The following PRSS3 variants were observed in gnomAD, a reference collection of about 807,000 sequenced individuals.
PRSS3 encodes serine protease 3.
PRSS3 carries 14 observed loss-of-function variants against 20.8 expected under a neutral mutation model. The ratio of observed to expected loss-of-function variants is 0.67; its 90% CI spans 0.44 to 1.05. The LOEUF (loss-of-function observed/expected upper bound fraction) is 1.05, where lower values mean the gene tolerates loss of function less well. Ranked by LOEUF, PRSS3 falls within the 50% of genes least tolerant of loss-of-function variation. PRSS3 has a pLI of 0.00. For missense variants in PRSS3, 237 were observed against 306.4 expected (o/e 0.77, Z 1.69); for synonymous variants, 91 against 117.6 (o/e 0.77, Z 1.46).
chr9:33,765,742 G>A (rs1823384786), intron 1 of PRSS3, among the ~76,000 whole-genome samples: 1 of 152,180 alleles, frequency 6.6e-6, no homozygotes, highest in African/African-American at 2.4e-5. Flanking sequence ...TTGAAGTTTT[G>A]ATTTAATGGT....
upstream of PRSS3, among the ~76,000 whole-genome samples, chr9:33,793,110 G>C (rs1824711729): frequency 6.6e-6 from 1 of 152,240 alleles, no homozygotes; most frequent in African/African-American, 2.4e-5. Flanking sequence ...ATTTAAGGAA[G>C]AGCGCAAAAT....
At chr9:33,793,773 T>G, upstream of PRSS3, 1 of 722,088 alleles carries the variant, frequency 1.4e-6, no homozygotes, top group Non-Finnish European at 1.6e-6. Context: ...TCCTTCTGAA[T>G]CTCAGTCTCT....
chr9:33,776,337 A>C (rs771246201), intron 1 of PRSS3, among the ~76,000 whole-genome samples: 1 of 152,242 alleles, frequency 6.6e-6, no homozygotes, highest in Non-Finnish European at 1.5e-5. Context: ...GGGAGCCCCA[A>C]AAAGGGAGAG....
chr9:33,787,799 C>A lies in PRSS3; in HGVS notation c.-52-6947C>A, dbSNP rs549884865. Among the ~76,000 whole-genome samples, 5 of 152,304 alleles carry A rather than the reference C, an allele frequency of 3.3e-5. No homozygotes were observed. In the East Asian group the frequency reaches 9.6e-4, roughly 29 times the overall value. On this transcript the variant is annotated intron_variant, in intron 1 of 5. Coordinates refer to the PRSS3 transcript ENST00000342836. ...CTGTGCCCTGATTTGCACTTCAGAC[C>A]ACTGCATCTTGGGCTACACTTTTGT...
chr9:33,766,258 C>G (rs1157852521), intron 1 of PRSS3, among the ~76,000 whole-genome samples: 1 of 78,438 alleles, frequency 1.3e-5, no homozygotes, highest in Non-Finnish European at 2.4e-5. Flanking sequence ...AGCCAGATTC[C>G]GTCTCAAAAA....
At chr9:33,788,704 C>T (rs1018652521) in intron 1 of PRSS3, among the ~76,000 whole-genome samples, 3 of 152,144 alleles carry the variant, frequency 2.0e-5, no homozygotes, top group Admixed American at 1.3e-4. Context: ...GAAATCCTCT[C>T]GGGGCCAAAA....
chr9:33,790,283 C>A (rs1198717846), intron 1 of PRSS3, among the ~76,000 whole-genome samples: 1 of 152,134 alleles, frequency 6.6e-6, no homozygotes, highest in Non-Finnish European at 1.5e-5. Context: ...CTTAACCCAA[C>A]AATATTTCAT....
chr9:33,776,863 G>C (rs1242387111), intron 1 of PRSS3, among the ~76,000 whole-genome samples: 1 of 152,056 alleles, frequency 6.6e-6, no homozygotes, highest in African/African-American at 2.4e-5. Context: ...GAGTAAGAGT[G>C]AAAGAAGAGG....
intron 1 of PRSS3, among the ~76,000 whole-genome samples, chr9:33,764,053 T>C (rs1823319409): frequency 1.3e-5 from 2 of 152,244 alleles, no homozygotes; most frequent in Admixed American, 1.3e-4. Flanking sequence ...TTGAGCTGGC[T>C]ATAGGCAAGG....
intron 1 of PRSS3, among the ~76,000 whole-genome samples, chr9:33,757,750 G>A (rs1823019045): frequency 6.6e-6 from 1 of 152,138 alleles, no homozygotes; most frequent in Non-Finnish European, 1.5e-5. Flanking sequence ...AATGTTAGTT[G>A]ACTTAAATTG....
chr9:33,786,859 G>C, intron 1 of PRSS3: 1 of 683,750 alleles, frequency 1.5e-6, no homozygotes, highest in East Asian at 2.5e-5. Flanking sequence ...AAAGATCTAA[G>C]CAAGAACCTC....
intron 4 of PRSS3, 65 bp downstream of exon 4, chr9:33,798,687 T>G: frequency 1.2e-6 from 2 of 1,610,392 alleles, no homozygotes; most frequent in Non-Finnish European, 8.5e-7. Context: ...GGAAAAAGAT[T>G]TGAACTCCCA....
At chr9:33,782,575 C>A (rs1347842540) in intron 1 of PRSS3, among the ~76,000 whole-genome samples, 1 of 152,184 alleles carries the variant, frequency 6.6e-6, no homozygotes, top group Non-Finnish European at 1.5e-5. Flanking sequence ...CACTATCTGA[C>A]TTCAAGACTT....
intron 1 of PRSS3, among the ~76,000 whole-genome samples, chr9:33,788,008 T>A (rs1184965819): frequency 6.6e-6 from 1 of 152,220 alleles, no homozygotes; most frequent in Non-Finnish European, 1.5e-5. Context: ...CTACTTGCAC[T>A]GCCACTGGGG....
rs1397180048 is a variant in PRSS3, at chr9:33,754,037, TTTTTCTTTTCTTTTCTCTCTTC to T, written c.-53+3331_-53+3352del. On this transcript the variant is annotated intron_variant, in intron 1 of 5. Transcript: ENST00000342836. Reference sequence around the variant, plus strand: ...AGAGTCTTGTCTTGTCTTGTCTTTTTTTTTCTTTTCTTTTCTCTCTTCTTTTCTTTTCTTTTCTCTCTCTGTC... The same window carrying T: ...AGAGTCTTGTCTTGTCTTGTCTTTTTTTTTCTTTTCTTTTCTCTCTCTGTC... 3.8e-4 allele frequency among the ~76,000 whole-genome samples: 58 copies of T among 152,240 alleles called. 1 individual carries two copies. The highest frequency in any genetic ancestry group is 1.1e-3 in the African/African-American group (47 of 41,532).
chr9:33,779,421 A>C (rs1271935291), intron 1 of PRSS3, among the ~76,000 whole-genome samples: 1 of 152,248 alleles, frequency 6.6e-6, no homozygotes, highest in Non-Finnish European at 1.5e-5. Flanking sequence ...TCAAAAATTT[A>C]CTACTAGAAT....
At chr9:33,754,781 A>G (rs1822865970) in intron 1 of PRSS3, among the ~76,000 whole-genome samples, 1 of 152,304 alleles carries the variant, frequency 6.6e-6, no homozygotes, top group South Asian at 2.1e-4. Flanking sequence ...CAGTGAGCCG[A>G]AATCATGCCA....
chr9:33,797,622 A>G (rs1199499524), intron 2 of PRSS3, among the ~76,000 whole-genome samples: 1 of 152,220 alleles, frequency 6.6e-6, no homozygotes, highest in Non-Finnish European at 1.5e-5. Context: ...TCCCCACCCC[A>G]CTACCACCAG....
intron 1 of PRSS3, among the ~76,000 whole-genome samples, chr9:33,788,834 G>A (rs1824515528): frequency 6.6e-6 from 1 of 152,064 alleles, no homozygotes; most frequent in Non-Finnish European, 1.5e-5. Context: ...TACCTATTCA[G>A]TCATATTTTT....
Sources: gnomAD v4.1 joint callset for allele counts (sites outside exome capture counted in the v4.1 genomes callset) on GRCh38, gnomAD v4.1.1 for gene constraint, MANE v1.5 for transcripts, NCBI Gene and HGNC (gene_info 2026-07-23, HGNC 2026-07-21) for gene names.